KAZN: variants seen among roughly 807,000 people sequenced by gnomAD.
The protein encoded by KAZN is kazrin.
In KAZN, 40 loss-of-function variants were observed where a neutral mutation model predicts 87.4. That is an observed-to-expected ratio of 0.46 (90% CI 0.36 to 0.60). The LOEUF (loss-of-function observed/expected upper bound fraction) is 0.60, where lower values mean the gene tolerates loss of function less well. Among genes scored for constraint, KAZN ranks in the 20% least tolerant of loss-of-function variants. KAZN has a pLI of 0.00. For synonymous variants in KAZN, 466 were observed against 458.3 expected, an observed-to-expected ratio of 1.02 and a Z score of -0.22; for missense variants, 898 against 1,073.9, an observed-to-expected ratio of 0.84 and a Z score of 2.29.
At chr1:14,449,596 A>G (rs1326696386) in intron 2 of KAZN, among the ~76,000 whole-genome samples, 1 of 152,246 alleles carries the variant, frequency 6.6e-6, no homozygotes, top group Non-Finnish European at 1.5e-5. Context: ...AGAGAGTAGT[A>G]TAAAGCTTTT....
At chr1:14,671,616 C>A (rs1282256539) in intron 1 of KAZN, among the ~76,000 whole-genome samples, 1 of 152,140 alleles carries the variant, frequency 6.6e-6, no homozygotes, top group African/African-American at 2.4e-5. Context: ...AGTAGAATTT[C>A]CCCCCGTGGG....
chr1:14,368,463 C>T (rs1452538689), intron 2 of KAZN, among the ~76,000 whole-genome samples: 1 of 152,250 alleles, frequency 6.6e-6, no homozygotes, highest in South Asian at 2.1e-4. Flanking sequence ...AACAAAGCTT[C>T]TAGGTCTCTG....
chr1:13,982,324 A>G (rs1638765471), intron 1 of KAZN, among the ~76,000 whole-genome samples: 1 of 152,146 alleles, frequency 6.6e-6, no homozygotes, highest in East Asian at 1.9e-4. Flanking sequence ...TACAGTTCTT[A>G]AGGGAGCGCG....
At chr1:14,695,165 G>A (rs1175156155) in intron 1 of KAZN, among the ~76,000 whole-genome samples, 1 of 152,188 alleles carries the variant, frequency 6.6e-6, no homozygotes, top group African/African-American at 2.4e-5. Flanking sequence ...CTATCATATT[G>A]CTTTGCCCTT....
Position 15,056,386 on chromosome 1 carries a change from G to T in KAZN, c.916+106G>T, listed in dbSNP as rs1483719039. ...TGCTTTGTTCGTACTACAGCAGCTT[G>T]GGGGCGTGGGACAGAGACCTTGGGC... On this transcript the variant is annotated intron_variant, in intron 5 of 14. Transcript: ENST00000376030. This position sits in a 1 kb window ranked among gnomAD's most constrained non-coding sequence, Gnocchi z 5.4. 1.7e-6 allele frequency: 2 copies of T among 1,167,600 alleles called. No homozygotes were observed. Among genetic ancestry groups the T allele is most frequent in the South Asian group, 1.6e-5 (1 of 64,130 alleles). 72.3% of individuals were successfully genotyped at this position (1,167,600 alleles called of 1,614,324 possible). A position where few individuals can be genotyped will look rare whatever the true frequency, so the allele number is the denominator to read the frequency against.
intron 1 of KAZN, among the ~76,000 whole-genome samples, chr1:14,842,473 G>A (rs1160265063): frequency 6.6e-6 from 1 of 152,224 alleles, no homozygotes; most frequent in Middle Eastern, 3.2e-3. Flanking sequence ...GAGGCCCTGG[G>A]CAGGGGCATT....
intron 2 of KAZN, among the ~76,000 whole-genome samples, chr1:14,355,184 G>C (rs895211736): frequency 6.6e-6 from 1 of 152,026 alleles, no homozygotes; most frequent in Non-Finnish European, 1.5e-5. Context: ...GGTTGCTTTG[G>C]GTCAAGGAGG....
chr1:14,712,947 C>G (rs1489491408), intron 1 of KAZN, among the ~76,000 whole-genome samples: 1 of 152,224 alleles, frequency 6.6e-6, no homozygotes, highest in Non-Finnish European at 1.5e-5. Flanking sequence ...GACACATTCC[C>G]TATAGATGCT....
chr1:14,659,945 T>C (rs144835035), intron 1 of KAZN, among the ~76,000 whole-genome samples: 100 of 152,210 alleles, frequency 6.6e-4, no homozygotes, highest in African/African-American at 2.2e-3. Context: ...TACATTACTG[T>C]ACACTAGAAA....
At chr1:14,798,062 T>C (rs1381671887) in intron 1 of KAZN, among the ~76,000 whole-genome samples, 1 of 152,082 alleles carries the variant, frequency 6.6e-6, no homozygotes, top group Non-Finnish European at 1.5e-5. Flanking sequence ...AAGAAAACTG[T>C]CTGAGTCATG....
intron 2 of KAZN, among the ~76,000 whole-genome samples, chr1:14,532,129 C>T (rs1383622234): frequency 2.0e-5 from 3 of 152,104 alleles, no homozygotes; most frequent in Non-Finnish European, 4.4e-5. Context: ...GTGGGCATGA[C>T]AGCCTCCCCT....
chr1:14,714,396 A>G (rs1018357368), intron 1 of KAZN, among the ~76,000 whole-genome samples: 3 of 151,918 alleles, frequency 2.0e-5, no homozygotes, highest in African/African-American at 7.3e-5. Flanking sequence ...TATTAAAGAA[A>G]CCCAAAGCAA....
intron 1 of KAZN, among the ~76,000 whole-genome samples, chr1:14,930,497 C>T (rs187098990): frequency 1.2e-3 from 185 of 152,302 alleles, no homozygotes; most frequent in African/African-American, 4.3e-3. Context: ...GATTTTCGCT[C>T]AGTCGGGTCC....
At chr1:14,575,939 T>C (rs1270061163) in intron 2 of KAZN, among the ~76,000 whole-genome samples, 1 of 152,158 alleles carries the variant, frequency 6.6e-6, no homozygotes, top group African/African-American at 2.4e-5. Flanking sequence ...TAAAAATGCA[T>C]CCCCTTAGGT....
chr1:14,152,722 G>T (rs908499621), intron 1 of KAZN, among the ~76,000 whole-genome samples: 1 of 152,186 alleles, frequency 6.6e-6, no homozygotes, highest in Non-Finnish European at 1.5e-5. Context: ...GGGATTGCTG[G>T]ATTGTATAGT....
chr1:14,223,417 A>G (rs528067178), intron 2 of KAZN, among the ~76,000 whole-genome samples: 1 of 152,310 alleles, frequency 6.6e-6, no homozygotes, highest in South Asian at 2.1e-4. Context: ...GTGTAAAGCC[A>G]AGCTGTACAA....
At chr1:14,189,556 G>T (rs1646381345) in intron 2 of KAZN, among the ~76,000 whole-genome samples, 1 of 152,008 alleles carries the variant, frequency 6.6e-6, no homozygotes, top group Admixed American at 6.6e-5. Flanking sequence ...TGTGCACTGG[G>T]GCCTGGCTCA....
chr1:13,980,145 A>G (rs1409017782), intron 1 of KAZN, among the ~76,000 whole-genome samples: 1 of 152,178 alleles, frequency 6.6e-6, no homozygotes, highest in Non-Finnish European at 1.5e-5. Context: ...CAATAATGCA[A>G]TAATATACAC....
At chr1:14,460,586 T>C (rs2486770) in intron 2 of KAZN, among the ~76,000 whole-genome samples, 86,884 of 152,012 alleles carry the variant, frequency 0.57, 25,507 homozygotes, top group African/African-American at 0.69. Context: ...AGGCCTGGGA[T>C]ACTCCTCTCC....
Sources: allele counts gnomAD v4.1 joint callset (sites outside exome capture counted in the v4.1 genomes callset), GRCh38; gene constraint gnomAD v4.1.1; non-coding constraint Gnocchi (gnomAD v3.1); transcripts MANE v1.5; gene names NCBI Gene and HGNC (gene_info 2026-07-23, HGNC 2026-07-21).